TMEM192: variants seen among roughly 807,000 people sequenced by gnomAD.
TMEM192 encodes the protein transmembrane protein 192.
TMEM192 carries 20 observed loss-of-function variants against 26.7 expected under a neutral mutation model. The observed-to-expected ratio is 0.75, with a 90% confidence interval of 0.53 to 1.09. The LOEUF is 1.09. Ranked by LOEUF, TMEM192 falls within the 50% of genes least tolerant of loss-of-function variation. The pLI is 0.00. For synonymous variants in TMEM192, 124 were observed against 121.0 expected (o/e 1.02, Z -0.16); for missense variants, 304 against 322.6 (o/e 0.94, Z 0.44).
At chr4:165,112,109 T>A (rs1455678206) in intron 1 of TMEM192, among the ~76,000 whole-genome samples, 1 of 152,246 alleles carries the variant, frequency 6.6e-6, no homozygotes, top group Non-Finnish European at 1.5e-5. Context: ...GTTTTGGTAA[T>A]CTGGTTTGAA....
chr4:165,072,861 G>A lies in TMEM192; in HGVS notation c.*6797C>T, dbSNP rs1734301270. On this transcript the variant is annotated 3_prime_UTR_variant, in exon 6 of 6. Coordinates refer to ENST00000306480, the MANE Select transcript of TMEM192 (RefSeq NM_001100389.2). The stretch of plus-strand genomic sequence containing the variant: ...AGGGGCAGTTGGACACATAAGTCTG[G>A]AGTTCAGGGAGGAAGGCCTGGCTGA... 6.6e-6 allele frequency: 1 copy of A among 152,122 alleles called. No individual in the cohort carries two copies. The allele number at this position is 152,122 out of a possible 1,614,324, so 9.4% of individuals were successfully genotyped here. A position where few individuals can be genotyped will look rare whatever the true frequency, so the allele number is the denominator to read the frequency against.
chr4:165,089,328 C>CT (rs938986764), intron 3 of TMEM192, among the ~76,000 whole-genome samples: 46 of 150,510 alleles, frequency 3.1e-4, no homozygotes, highest in Admixed American at 1.1e-3. Flanking sequence ...AAAGGGTTCT[C>CT]TTTTTTTTTG....
intron 5 of TMEM192, among the ~76,000 whole-genome samples, chr4:165,081,214 A>C (rs1413579105): frequency 7.1e-6 from 1 of 141,334 alleles, no homozygotes; most frequent in East Asian, 2.1e-4. Flanking sequence ...ATATGTATAA[A>C]CCACCTAGGA....
At chr4:165,092,541 T>C (rs1294274856) in intron 3 of TMEM192, among the ~76,000 whole-genome samples, 1 of 152,170 alleles carries the variant, frequency 6.6e-6, no homozygotes, top group Non-Finnish European at 1.5e-5. Context: ...AGCATATCTA[T>C]TATTTACTTA....
chr4:165,105,867 T>C (rs1730543230), intron 1 of TMEM192, among the ~76,000 whole-genome samples: 1 of 152,182 alleles, frequency 6.6e-6, no homozygotes, highest in African/African-American at 2.4e-5. Context: ...AGTTCCCTGC[T>C]TTCCTTTGGG....
intron 5 of TMEM192, among the ~76,000 whole-genome samples, chr4:165,085,149 C>T (rs1187406305): frequency 6.6e-6 from 1 of 151,938 alleles, no homozygotes; most frequent in African/African-American, 2.4e-5. Flanking sequence ...TGGTGCATGC[C>T]TGTAATCCCA....
In TMEM192 at chr4:165,102,960, C is replaced by T; in HGVS notation, c.164G>A (p.Trp55Ter). Residue 55 changes from tryptophan to a stop codon, truncating the protein, a stop_gained, in exon 2 of 6, where the codon TGG becomes TAG. Coordinates refer to ENST00000306480, the MANE Select transcript of TMEM192 (RefSeq NM_001100389.2). LOFTEE classifies it high-confidence loss of function. ...LPTVIIVNLL[W>*]FIHLVFVVLA... ...TTGCAGCCAACTTACATGAATAAACCACAGAAGATTCACTATGATGACTGT... is the reference window on the plus strand; with the variant it reads ...TTGCAGCCAACTTACATGAATAAACTACAGAAGATTCACTATGATGACTGT... The T allele has an allele frequency of 6.2e-7, 1 of 1,611,184 alleles. No homozygotes were observed. The highest frequency in any genetic ancestry group is 8.5e-7 in the Non-Finnish European group (1 of 1,178,758).
chr4:165,095,494 G>A (rs937026002), intron 3 of TMEM192, among the ~76,000 whole-genome samples: 3 of 152,156 alleles, frequency 2.0e-5, no homozygotes, highest in African/African-American at 4.8e-5. Flanking sequence ...TGTGGGCCAT[G>A]AGAACTAGAG....
intron 2 of TMEM192, among the ~76,000 whole-genome samples, chr4:165,101,184 G>A (rs1430208204): frequency 1.3e-5 from 2 of 151,496 alleles, no homozygotes; most frequent in African/African-American, 4.8e-5. Flanking sequence ...CACCATGTTA[G>A]CCAGGATGAT....
At chr4:165,111,665 T>C (rs1346160608) in intron 1 of TMEM192, 3 of 152,224 alleles carry the variant, frequency 2.0e-5, no homozygotes, top group Non-Finnish European at 4.4e-5. Flanking sequence ...TACAGTTAAT[T>C]TTCCATTTTC....
In TMEM192 at chr4:165,103,061, G is replaced by A; in HGVS notation, c.63C>T (p.Asp21=). ...GGAGAAGCTGGGCATCCAGAAGTGGGTCGTCTTCAATACTCTGGGTGATAT... is the reference window on the plus strand; with the variant it reads ...GGAGAAGCTGGGCATCCAGAAGTGGATCGTCTTCAATACTCTGGGTGATAT... ...SLDITQSIED[D]PLLDAQLLPH... is the part of the protein sequence containing the mutation. Residue 21 remains aspartate, a synonymous_variant, in exon 2 of 6, where the codon GAC becomes GAT. Transcript: ENST00000306480. 2 of 1,613,262 alleles carry A rather than the reference G, an allele frequency of 1.2e-6. No individual in the cohort carries two copies. The highest frequency in any genetic ancestry group is 2.2e-5 in the South Asian group (2 of 90,992).
In TMEM192 at chr4:165,080,298, G is replaced by A. The variant is rs1020648720; in HGVS notation, c.678-502C>T. On this transcript the variant is annotated intron_variant, in intron 5 of 5. Coordinates refer to ENST00000306480, the MANE Select transcript of TMEM192 (RefSeq NM_001100389.2). ...TGACACAAATAAAAATATTATATAAGTATATAAAACAAACAAAAAAAATCT... is the reference window on the plus strand; with the variant it reads ...TGACACAAATAAAAATATTATATAAATATATAAAACAAACAAAAAAAATCT... Among the ~76,000 whole-genome samples, 4 of 151,958 alleles carry A rather than the reference G, an allele frequency of 2.6e-5. No individual in the cohort carries two copies. The South Asian group carries it at 8.3e-4, about 32-fold the overall frequency.
intron 3 of TMEM192, among the ~76,000 whole-genome samples, chr4:165,096,730 C>G (rs1734917061): frequency 1.3e-5 from 2 of 151,636 alleles, no homozygotes; most frequent in African/African-American, 4.8e-5. Flanking sequence ...ACATGAGCCA[C>G]ATAAACGTGA....
Position 165,088,511 on chromosome 4 carries a change from T to C in TMEM192, c.531A>G (p.Ala177=), listed in dbSNP as rs776811645. Residue 177 remains alanine (A), a synonymous_variant, in exon 4 of 6, where the codon GCA becomes GCG. Coordinates refer to ENST00000306480, the MANE Select transcript of TMEM192 (RefSeq NM_001100389.2). ...ATATCAGGGAACAGATGAGTTCCAG[T>C]GCCAAGATGGCCAGAATGAGGTCAA... ...LYLDLILAIL[A]LELICSLICL... is the part of the protein sequence containing the mutation. 5.6e-6 allele frequency: 9 copies of C among 1,613,832 alleles called. No homozygotes were observed. Among genetic ancestry groups the C allele is most frequent in the South Asian group, 1.1e-5 (1 of 90,954 alleles).
Position 165,112,819 on chromosome 4 carries a change from C to A in TMEM192, c.-46G>T, listed in dbSNP as rs771201819. ...AGCCCTGGCCAGCCCGGCCTCTCCA[C>A]CTGGACCTGTAAGCCTCTGGCCGCG... is the stretch of plus-strand genomic sequence containing the variant. On this transcript the variant is annotated 5_prime_UTR_variant, in exon 1 of 6. Transcript: ENST00000306480. 32 of 1,595,980 alleles carry A rather than the reference C, an allele frequency of 2.0e-5. No homozygotes were observed. Among genetic ancestry groups the A allele is most frequent in the Non-Finnish European group, 2.2e-5 (26 of 1,175,686 alleles).
intron 3 of TMEM192, among the ~76,000 whole-genome samples, chr4:165,090,217 A>G (rs1431472208): frequency 2.1e-4 from 31 of 144,210 alleles, no homozygotes; most frequent in Non-Finnish European, 4.0e-4. Flanking sequence ...GTCTTGGAAA[A>G]AAAAAAAAAA....
At chr4:165,094,842 C>T (rs1328904056) in intron 3 of TMEM192, among the ~76,000 whole-genome samples, 1 of 149,556 alleles carries the variant, frequency 6.7e-6, no homozygotes, top group Non-Finnish European at 1.5e-5. Flanking sequence ...GGCATGGTAG[C>T]GCACACCTGT....
At position 165,112,854 on chromosome 4, in the gene TMEM192, AC is replaced by A. The variant is rs1237899197; in HGVS notation, c.-82del. 1.3e-6 allele frequency: 2 copies of A among 1,530,894 alleles called. No homozygotes were observed. The highest frequency in any genetic ancestry group is 1.8e-6 in the Non-Finnish European group (2 of 1,140,834). The allele number at this position is 1,530,894 out of a possible 1,614,324, so 94.8% of individuals were successfully genotyped here. A position where few individuals can be genotyped will look rare whatever the true frequency, so the allele number is the denominator to read the frequency against. ...TAAGCCTCTGGCCGCGAAACTCGCC[AC>A]CTTCTGGGACCTGCCAGGCCCCTCC... On this transcript the variant is annotated 5_prime_UTR_variant, in exon 1 of 6. Coordinates refer to ENST00000306480, the MANE Select transcript of TMEM192 (RefSeq NM_001100389.2).
At chr4:165,093,436 A>G (rs748879910) in intron 3 of TMEM192, among the ~76,000 whole-genome samples, 3 of 151,834 alleles carry the variant, frequency 2.0e-5, no homozygotes, top group Non-Finnish European at 4.4e-5. Flanking sequence ...ACATGCTAGG[A>G]AAAAAAACTT....
Sources: allele counts gnomAD v4.1 joint callset (sites outside exome capture counted in the v4.1 genomes callset), GRCh38; gene constraint gnomAD v4.1.1; transcripts MANE v1.5; gene names NCBI Gene and HGNC (gene_info 2026-07-23, HGNC 2026-07-21).